The following F8 variants were observed in gnomAD, a reference collection of about 807,000 sequenced individuals.
The protein encoded by F8 is coagulation factor VIII.
A neutral mutation model predicts 140.6 loss-of-function variants in F8; 12 were observed. That is an observed-to-expected ratio of 0.09 (90% CI 0.05 to 0.14). The LOEUF (loss-of-function observed/expected upper bound fraction) is 0.14, where lower values mean the gene tolerates loss of function less well. F8 is among the 10% of genes least tolerant of loss of function. The pLI, the probability that F8 is intolerant of heterozygous loss-of-function variation, is 1.00. For synonymous variants in F8, 585 were observed against 614.6 expected (o/e 0.95, Z 0.71); for missense variants, 1,354 against 1,720.7 (o/e 0.79, Z 3.77).
chrX:154,918,670 G>A (rs1557277303), intron 14 of F8: 1 of 107,065 alleles, frequency 9.3e-6, no homozygotes, highest in African/African-American at 3.4e-5. Context: ...TCTGTTTTGA[G>A]TTATGGGATA....
At chrX:154,845,776 T>C (rs1300435026) in intron 25 of F8, among the ~76,000 whole-genome samples, 1 of 112,016 alleles carries the variant, frequency 8.9e-6, no homozygotes, top group Admixed American at 9.5e-5. Flanking sequence ...AAAGGGTTTT[T>C]TGTGTCTCTA....
At chrX:155,012,540 G>T (rs1200188161) in intron 1 of F8, among the ~76,000 whole-genome samples, 1 of 111,275 alleles carries the variant, frequency 9.0e-6, no homozygotes, top group African/African-American at 3.3e-5. Context: ...CAAACTCCTG[G>T]CCTAGAGCAA....
chrX:155,002,412 G>A (rs782535269), intron 1 of F8, among the ~76,000 whole-genome samples: 7 of 111,654 alleles, frequency 6.3e-5, no homozygotes, highest in African/African-American at 2.3e-4. Context: ...CATGTGAATT[G>A]GTAAAGAAGA....
intron 10 of F8, among the ~76,000 whole-genome samples, chrX:154,960,393 T>G (rs1176022221): frequency 8.9e-6 from 1 of 111,823 alleles, no homozygotes; most frequent in Non-Finnish European, 1.9e-5. Flanking sequence ...TACACATCTA[T>G]TATTTTGATA....
intron 2 of F8, 68 bp downstream of exon 2, chrX:154,999,411 T>C (rs1421652850): frequency 9.9e-6 from 11 of 1,112,789 alleles, no homozygotes; most frequent in Non-Finnish European, 1.1e-5. Flanking sequence ...AACCTCAAGA[T>C]TGGGGAATCT....
At chrX:154,874,668 T>C (rs1177175762) in intron 22 of F8, among the ~76,000 whole-genome samples, 1 of 112,077 alleles carries the variant, frequency 8.9e-6, no homozygotes, top group Non-Finnish European at 1.9e-5. Context: ...ACTCAAACCA[T>C]AGCAAATAGC....
At chrX:154,890,830 A>G (rs371996254) in intron 22 of F8, among the ~76,000 whole-genome samples, 3 of 112,483 alleles carry the variant, frequency 2.7e-5, no homozygotes, top group East Asian at 5.5e-4. Context: ...TTCCTACATT[A>G]AATAAGCTAT....
chrX:154,847,511 C>G (rs1311926015), intron 25 of F8, among the ~76,000 whole-genome samples: 6 of 112,056 alleles, frequency 5.4e-5, no homozygotes, highest in Non-Finnish European at 7.5e-5. Context: ...CTAAACTTCT[C>G]TTCTCGCTTC....
rs186024540 is a variant in F8 at position 154,999,159 on chromosome X, C to T, written c.265+320G>A. Among the ~76,000 whole-genome samples, 4 of 110,812 alleles carry T rather than the reference C, an allele frequency of 3.6e-5. No homozygotes were observed. In the East Asian group the frequency reaches 1.1e-3, roughly 32 times the overall value. On this transcript the variant is annotated intron_variant, in intron 2 of 25. Transcript: ENST00000360256. ...AAGTTCTAAATCGATAGGCTGATAT[C>T]TCTCTTTAGAATAAGGGGATACTTC...
chrX:154,864,021 C>G (rs2072713754), intron 22 of F8, among the ~76,000 whole-genome samples: 1 of 112,021 alleles, frequency 8.9e-6, no homozygotes, highest in Non-Finnish European at 1.9e-5. Flanking sequence ...GTTTTGCCTA[C>G]TTAGGAAACA....
chrX:154,972,752 G>T (rs2073465352), intron 6 of F8, among the ~76,000 whole-genome samples: 1 of 73,034 alleles, frequency 1.4e-5, no homozygotes. Context: ...GTCTCACTCT[G>T]TTGCCCAGGC....
intron 7 of F8, 117 bp downstream of exon 7, chrX:154,969,214 G>T (rs781788963): frequency 5.7e-6 from 4 of 699,356 alleles, no homozygotes; most frequent in Non-Finnish European, 8.5e-6. Flanking sequence ...GTCTAATACA[G>T]TAACTCTATA....
chrX:154,913,247 A>G (rs1413546120), intron 14 of F8, among the ~76,000 whole-genome samples: 2 of 112,333 alleles, frequency 1.8e-5, no homozygotes, highest in Admixed American at 9.4e-5. Flanking sequence ...AGAAAATTGA[A>G]GAAAGTATTG....
At chrX:154,915,416 T>G (rs192721804) in intron 14 of F8, among the ~76,000 whole-genome samples, 1 of 112,335 alleles carries the variant, frequency 8.9e-6, no homozygotes, top group African/African-American at 3.2e-5. Flanking sequence ...GTATTGATAT[T>G]TTAACAATAT....
rs781827551 is a variant in F8, at chrX:154,853,069, C to T, written c.6900+7363G>A. Among the ~76,000 whole-genome samples, 19 of 109,587 alleles carry T rather than the reference C, an allele frequency of 1.7e-4. No homozygotes were observed. In the East Asian group the frequency reaches 5.1e-3, roughly 29 times the overall value. ...AATTTTTTTCTAGTTGCTAATTTTC[C>T]ATATTTGCTGTCTTCAGACCAGACA... is the stretch of plus-strand genomic sequence containing the variant. On this transcript the variant is annotated intron_variant, in intron 25 of 25. Coordinates refer to ENST00000360256, the MANE Select transcript of F8 (RefSeq NM_000132.4).
chrX:154,858,902 AG>A (rs2148565690), intron 25 of F8, among the ~76,000 whole-genome samples: 1 of 112,502 alleles, frequency 8.9e-6, no homozygotes, highest in Non-Finnish European at 1.9e-5. Context: ...TAAGGTGCCC[AG>A]ATATTTACTC....
chrX:154,946,439 C>T (rs1557280293), intron 13 of F8, among the ~76,000 whole-genome samples: 2 of 112,261 alleles, frequency 1.8e-5, no homozygotes, highest in African/African-American at 6.5e-5. Flanking sequence ...ATAGCCAACT[C>T]ACCTTTGACA....
chrX:154,960,041 A>G (rs1436768275), intron 10 of F8, among the ~76,000 whole-genome samples: 1 of 112,012 alleles, frequency 8.9e-6, no homozygotes, highest in African/African-American at 3.2e-5. Context: ...TGGGGAAAGG[A>G]AAAGTGAGGG....
chrX:154,874,829 G>A (rs1557273875), intron 22 of F8, among the ~76,000 whole-genome samples: 1 of 111,988 alleles, frequency 8.9e-6, no homozygotes, highest in African/African-American at 3.2e-5. Flanking sequence ...AATACCATGT[G>A]ATCTGGCAAT....
Sources: allele counts gnomAD v4.1 joint callset (sites outside exome capture counted in the v4.1 genomes callset), GRCh38; gene constraint gnomAD v4.1.1; transcripts MANE v1.5; gene names NCBI Gene and HGNC (gene_info 2026-07-23, HGNC 2026-07-21).